The following SRD5A3 variants were observed in gnomAD, a reference collection of about 807,000 sequenced individuals.
SRD5A3 encodes the protein polyprenal reductase.
A neutral mutation model predicts 34.3 loss-of-function variants in SRD5A3; 24 were observed. That is an observed-to-expected ratio of 0.70 (90% CI 0.51 to 0.99). The LOEUF (loss-of-function observed/expected upper bound fraction) is 0.99. Ranked by LOEUF, SRD5A3 falls within the 50% of genes least tolerant of loss-of-function variation. SRD5A3 has a pLI of 0.00. For synonymous variants in SRD5A3, 161 were observed against 167.3 expected, an observed-to-expected ratio of 0.96 and a Z score of 0.29; for missense variants, 350 against 388.2, an observed-to-expected ratio of 0.90 and a Z score of 0.83.
At chr4:55,346,922 A>G (rs1174645286) in intron 1 of SRD5A3, among the ~76,000 whole-genome samples, 2 of 146,794 alleles carry the variant, frequency 1.4e-5, no homozygotes, top group South Asian at 2.2e-4. Context: ...CCTTGCCCCA[A>G]ATTCTCCTTT....
chr4:55,356,533 G>A (rs1719468166), intron 1 of SRD5A3, among the ~76,000 whole-genome samples: 1 of 152,074 alleles, frequency 6.6e-6, no homozygotes, highest in Admixed American at 6.6e-5. Context: ...CACCCAGGCT[G>A]GAGTGCTGTG....
rs1719949760 is a variant in SRD5A3, at chr4:55,367,575, C to G, written c.563-13C>G. The G allele has an allele frequency of 6.2e-7, 1 of 1,613,574 alleles. No homozygotes were observed. The highest frequency in any genetic ancestry group is 1.1e-5 in the South Asian group (1 of 91,086). On this transcript the variant is annotated splice_polypyrimidine_tract_variant and intron_variant, in intron 3 of 4. Coordinates refer to ENST00000264228, the MANE Select transcript of SRD5A3 (RefSeq NM_024592.5). Reference sequence around the variant, plus strand: ...AATTGTTTAGTGTTGGCTAACAATTCTCATTCCTATAGCCTACATAACAGG... The same window carrying G: ...AATTGTTTAGTGTTGGCTAACAATTGTCATTCCTATAGCCTACATAACAGG...
At chr4:55,361,659 C>T (rs113809758) in intron 2 of SRD5A3, among the ~76,000 whole-genome samples, 1,901 of 152,074 alleles carry the variant, frequency 0.013, 46 homozygotes, top group African/African-American at 0.042. Context: ...AAAAAATTAG[C>T]GGGACGTGGT....
chr4:55,361,251 G>A (rs1432212524), intron 2 of SRD5A3, among the ~76,000 whole-genome samples: 1 of 152,104 alleles, frequency 6.6e-6, no homozygotes, highest in African/African-American at 2.4e-5. Flanking sequence ...GGAGGCTGAG[G>A]TGAGCAGATC....
At chr4:55,353,590 G>C (rs576823996) in intron 1 of SRD5A3, among the ~76,000 whole-genome samples, 16 of 152,218 alleles carry the variant, frequency 1.1e-4, no homozygotes, top group Non-Finnish European at 2.2e-4. Flanking sequence ...GGTAAGTCTT[G>C]CTGCTGCTCA....
chr4:55,354,574 C>T (rs779045973), intron 1 of SRD5A3, among the ~76,000 whole-genome samples: 4 of 152,184 alleles, frequency 2.6e-5, no homozygotes, highest in African/African-American at 7.2e-5. Flanking sequence ...TGCTAGTTCT[C>T]TCTCTTACCT....
At chr4:55,348,546 T>TA (rs1299002141) in intron 1 of SRD5A3, among the ~76,000 whole-genome samples, 3 of 152,152 alleles carry the variant, frequency 2.0e-5, no homozygotes, top group East Asian at 1.9e-4. Context: ...TTTTATCATT[T>TA]AAAAAAATGT....
At chr4:55,354,825 TGC>T (rs1371758987) in intron 1 of SRD5A3, among the ~76,000 whole-genome samples, 2 of 151,272 alleles carry the variant, frequency 1.3e-5, no homozygotes, top group East Asian at 1.9e-4. Context: ...TGTGCGCGCG[TGC>T]GTGCGCGCGT....
At position 55,372,970 on chromosome 4, in the gene SRD5A3, T is replaced by G. The variant is rs1578215714; in HGVS notation, c.*2879T>G. 1 of 151,478 alleles carries G rather than the reference T, an allele frequency of 6.6e-6. No individual in the cohort carries two copies. The highest frequency in any genetic ancestry group is 6.6e-5 in the Admixed American group (1 of 15,198). 9.4% of individuals were successfully genotyped at this position (151,478 alleles called of 1,614,324 possible). ...AAAAACCGTTGCAGATATTTTTGTA[T>G]GTAGCTTAATAGATATTTAGTTTAA... On this transcript the variant is annotated 3_prime_UTR_variant, in exon 5 of 5. Coordinates refer to ENST00000264228, the MANE Select transcript of SRD5A3 (RefSeq NM_024592.5).
At chr4:55,352,951 C>T (rs1719252607) in intron 1 of SRD5A3, among the ~76,000 whole-genome samples, 1 of 152,162 alleles carries the variant, frequency 6.6e-6, no homozygotes, top group Admixed American at 6.5e-5. Context: ...GTGGGGGAAA[C>T]AGTAGCTCGC....
chr4:55,346,292 C>CGGGCGGTGG lies in SRD5A3; in HGVS notation c.-39_-31dup. On this transcript the variant is annotated 5_prime_UTR_variant, in exon 1 of 5. Transcript: ENST00000264228. ...TAGTGGCCGCTCTTCCGCGGGCTAG[C>CGGGCGGTGG]GGGCGGTGGGGGCGCCAGCAGCGCG... The CGGGCGGTGG allele has an allele frequency of 2.2e-6, 3 of 1,360,106 alleles. No homozygotes were observed. 84.3% of individuals were successfully genotyped at this position (1,360,106 alleles called of 1,614,324 possible).
At chr4:55,363,153 C>T (rs1008263282) in intron 2 of SRD5A3, among the ~76,000 whole-genome samples, 1 of 151,940 alleles carries the variant, frequency 6.6e-6, no homozygotes, top group African/African-American at 2.4e-5. Flanking sequence ...GGCCGTGACT[C>T]ATTTCTTTTT....
intron 1 of SRD5A3, among the ~76,000 whole-genome samples, chr4:55,356,000 A>ATTT (rs10648522): frequency 0.033 from 2,446 of 74,256 alleles, 514 homozygotes; most frequent in African/African-American, 0.062. Flanking sequence ...TTTTGCCTCC[A>ATTT]TTTTTTTTTT....
chr4:55,358,555 A>G (rs6835015), intron 1 of SRD5A3, among the ~76,000 whole-genome samples: 1,526 of 110,162 alleles, frequency 0.014, 34 homozygotes, highest in African/African-American at 0.044. Flanking sequence ...AAAAAAAAAA[A>G]AAGAAGAAGA....
chr4:55,361,751 C>T (rs954335056), intron 2 of SRD5A3, among the ~76,000 whole-genome samples: 1 of 152,090 alleles, frequency 6.6e-6, no homozygotes, highest in African/African-American at 2.4e-5. Flanking sequence ...TTGCAGTAAG[C>T]TGAGATCATG....
intron 1 of SRD5A3, among the ~76,000 whole-genome samples, chr4:55,347,070 A>G (rs1334888088): frequency 1.3e-5 from 2 of 152,302 alleles, no homozygotes; most frequent in African/African-American, 2.4e-5. Flanking sequence ...GGGACAAAGG[A>G]CTGAGTCGCC....
chr4:55,369,845 C>G lies in SRD5A3; in HGVS notation c.711C>G (p.His237Gln), dbSNP rs1238365633. 4 of 1,614,114 alleles carry G rather than the reference C, an allele frequency of 2.5e-6. No individual in the cohort carries two copies. The highest frequency in any genetic ancestry group is 3.4e-6 in the Non-Finnish European group (4 of 1,180,006). ...TTACCCTTTCAGGAGTGGTCATTCACTGTAACCACAGGATCCCATTTGGAG... is the reference window on the plus strand; with the variant it reads ...TTACCCTTTCAGGAGTGGTCATTCAGTGTAACCACAGGATCCCATTTGGAG... ...LRKNKAGVVI[H>Q]CNHRIPFGDW... Residue 237 changes from histidine (H) to glutamine (Q), a missense_variant, in exon 5 of 5, where the codon CAC becomes CAG. Coordinates refer to ENST00000264228, the MANE Select transcript of SRD5A3 (RefSeq NM_024592.5).
rs1720114641 is a variant in SRD5A3, at chr4:55,371,183, G to T, written c.*1092G>T. 1 of 152,244 alleles carries T rather than the reference G, an allele frequency of 6.6e-6. No homozygotes were observed. Among genetic ancestry groups the T allele is most frequent in the Non-Finnish European group, 1.5e-5 (1 of 68,022 alleles). The allele number at this position is 152,244 out of a possible 1,614,324, so 9.4% of individuals were successfully genotyped here. The stretch of plus-strand genomic sequence containing the variant: ...TCGTGAACGGAAGTGACACACTCTG[G>T]ATTGAATAATACTGTAGCCTCATTC... On this transcript the variant is annotated 3_prime_UTR_variant, in exon 5 of 5. Coordinates refer to ENST00000264228, the MANE Select transcript of SRD5A3 (RefSeq NM_024592.5).
chr4:55,355,194 C>T (rs1719404173), intron 1 of SRD5A3, among the ~76,000 whole-genome samples: 1 of 152,294 alleles, frequency 6.6e-6, no homozygotes, highest in African/African-American at 2.4e-5. Context: ...TGCGGTGGCT[C>T]ACGCCTGTAA....
Sources: gnomAD v4.1 joint callset for allele counts (sites outside exome capture counted in the v4.1 genomes callset) on GRCh38, gnomAD v4.1.1 for gene constraint, MANE v1.5 for transcripts, NCBI Gene and HGNC (gene_info 2026-07-23, HGNC 2026-07-21) for gene names.